ITPR2: variants seen among roughly 807,000 people sequenced by gnomAD.
The protein encoded by ITPR2 is inositol 1,4,5-trisphosphate receptor type 2.
In ITPR2, 207 loss-of-function variants were observed where a neutral mutation model predicts 317.1. That is an observed-to-expected ratio of 0.65 (90% CI 0.58 to 0.73). ITPR2 has a LOEUF of 0.73. ITPR2 is among the 30% of genes least tolerant of loss of function. The probability of loss-of-function intolerance (pLI) is 0.00; values close to 1 mark genes in which losing one functional copy is unlikely to be tolerated. For synonymous variants in ITPR2, 1,156 were observed against 1,149.1 expected (o/e 1.01, Z -0.12); for missense variants, 2,613 against 3,284.0 (o/e 0.80, Z 4.99).
chr12:26,586,059 C>A (rs550959992), intron 32 of ITPR2, among the ~76,000 whole-genome samples: 24 of 152,066 alleles, frequency 1.6e-4, no homozygotes, highest in Non-Finnish European at 5.9e-5. Context: ...AAGAGTTTTT[C>A]TTATAAATAC....
intron 2 of ITPR2, among the ~76,000 whole-genome samples, chr12:26,730,783 C>T (rs1949013856): frequency 6.6e-6 from 1 of 152,166 alleles, no homozygotes; most frequent in Non-Finnish European, 1.5e-5. Context: ...GCATTTTAGC[C>T]TGCTTACTTA....
At position 26,782,070 on chromosome 12, in the gene ITPR2, A is replaced by AGAGAGAGC. The variant is rs1332997577; in HGVS notation, c.163+8086_163+8087insGCTCTCTC. Among the ~76,000 whole-genome samples, 382 of 122,494 alleles carry AGAGAGAGC rather than the reference A, an allele frequency of 3.1e-3. 15 individuals carry two copies. The highest frequency in any genetic ancestry group is 5.3e-3 in the Non-Finnish European group (305 of 57,620). 80.4% of individuals were successfully genotyped at this position (122,494 alleles called of 152,430 possible). On this transcript the variant is annotated intron_variant, in intron 2 of 56. Transcript: ENST00000381340. ...GAGAGAGAGAGAGAGAGAGAGAGAG[A>AGAGAGAGC]GAGCGAGAGAGATCCTATTAGTTCT...
rs78239239 is a variant in ITPR2, at chr12:26,395,678, G to A, written c.7696+3198C>T. ...TTTCTGAGGGCAGCATCATTCTCCTGTATGGGACTCACCCTTCTAAACAAC... is the reference window on the plus strand; with the variant it reads ...TTTCTGAGGGCAGCATCATTCTCCTATATGGGACTCACCCTTCTAAACAAC... On this transcript the variant is annotated intron_variant, in intron 54 of 56. Coordinates refer to ENST00000381340, the MANE Select transcript of ITPR2 (RefSeq NM_002223.4). Among the ~76,000 whole-genome samples, 606 of 152,298 alleles carry A rather than the reference G, an allele frequency of 4.0e-3. 4 individuals are homozygous for A. The highest frequency in any genetic ancestry group is 0.014 in the African/African-American group (573 of 41,568).
Position 26,596,878 on chromosome 12 carries a change from C to A in ITPR2, c.4254+5G>T. 1 of 1,519,364 alleles carries A rather than the reference C, an allele frequency of 6.6e-7. No individual in the cohort carries two copies. The highest frequency in any genetic ancestry group is 1.3e-5 in the South Asian group (1 of 74,856). The allele number at this position is 1,519,364 out of a possible 1,614,324, so 94.1% of individuals were successfully genotyped here. A position where few individuals can be genotyped will look rare whatever the true frequency, so the allele number is the denominator to read the frequency against. ...TTAGAGCTGCTAAGCTTTTGCCAGGCTTACCTCAGGGATGCAGTCGTCATG... is the reference window on the plus strand; with the variant it reads ...TTAGAGCTGCTAAGCTTTTGCCAGGATTACCTCAGGGATGCAGTCGTCATG... On this transcript the variant is annotated splice_donor_5th_base_variant and intron_variant, in intron 31 of 56. Coordinates refer to ENST00000381340, the MANE Select transcript of ITPR2 (RefSeq NM_002223.4).
intron 2 of ITPR2, among the ~76,000 whole-genome samples, chr12:26,786,726 ATTTACT>A (rs977169865): frequency 2.0e-5 from 3 of 152,212 alleles, no homozygotes; most frequent in Non-Finnish European, 2.9e-5. Flanking sequence ...GTTGTACTAG[ATTTACT>A]TTTAATTGCC....
At chr12:26,539,872 C>A (rs1394456644) in intron 37 of ITPR2, among the ~76,000 whole-genome samples, 1 of 152,210 alleles carries the variant, frequency 6.6e-6, no homozygotes, top group Non-Finnish European at 1.5e-5. Flanking sequence ...GAATCTACTT[C>A]TTGGATAGGA....
chr12:26,750,995 G>A (rs1477632352), intron 2 of ITPR2, among the ~76,000 whole-genome samples: 13 of 152,124 alleles, frequency 8.5e-5, no homozygotes, highest in Admixed American at 3.3e-4. Flanking sequence ...CCCAAGCAAC[G>A]AAAACGGCTG....
chr12:26,813,247 C>A (rs953687613), intron 1 of ITPR2, among the ~76,000 whole-genome samples: 3 of 152,108 alleles, frequency 2.0e-5, no homozygotes, highest in Non-Finnish European at 4.4e-5. Flanking sequence ...TTAAATTTTA[C>A]ATTTTAAATT....
intron 37 of ITPR2, among the ~76,000 whole-genome samples, chr12:26,548,892 C>CA (rs1421698679): frequency 6.6e-6 from 1 of 152,102 alleles, no homozygotes; most frequent in African/African-American, 2.4e-5. Context: ...CTTGACTAGC[C>CA]AAAGTAAAAA....
chr12:26,806,273 C>A (rs906028008), intron 1 of ITPR2, among the ~76,000 whole-genome samples: 3 of 151,836 alleles, frequency 2.0e-5, no homozygotes, highest in Non-Finnish European at 2.9e-5. Context: ...CCCTGCCTGG[C>A]ACGGAGTAAA....
At chr12:26,656,174 G>A (rs771200037) in intron 19 of ITPR2, 123 bp downstream of exon 19, 7 of 1,274,964 alleles carry the variant, frequency 5.5e-6, no homozygotes, top group Non-Finnish European at 7.7e-6. Context: ...GCATTTAGAA[G>A]ATTAACAACC....
intron 45 of ITPR2, among the ~76,000 whole-genome samples, chr12:26,469,987 G>C (rs1942260043): frequency 6.6e-6 from 1 of 152,152 alleles, no homozygotes; most frequent in Admixed American, 6.5e-5. Flanking sequence ...AGCCCAACTG[G>C]CAAGTCAGCG....
intron 52 of ITPR2, among the ~76,000 whole-genome samples, chr12:26,401,696 CAAG>C (rs778423103): frequency 1.1e-4 from 16 of 152,282 alleles, no homozygotes; most frequent in East Asian, 1.9e-4. Context: ...CGTATAAAAA[CAAG>C]AAGAACAATT....
intron 28 of ITPR2, among the ~76,000 whole-genome samples, chr12:26,600,626 A>C (rs948238683): frequency 4.0e-5 from 6 of 149,412 alleles, no homozygotes; most frequent in African/African-American, 1.5e-4. Context: ...CTCTTTCCCT[A>C]CTCTATTTCA....
At chr12:26,566,349 G>T (rs1244492486) in intron 34 of ITPR2, among the ~76,000 whole-genome samples, 1 of 136,842 alleles carries the variant, frequency 7.3e-6, no homozygotes, top group Non-Finnish European at 1.6e-5. Context: ...AAGGAGAAGG[G>T]GAAGAGGAAA....
chr12:26,772,546 T>TATATAATAC (rs1231266192), intron 2 of ITPR2, among the ~76,000 whole-genome samples: 1 of 139,692 alleles, frequency 7.2e-6, no homozygotes, highest in East Asian at 2.0e-4. Context: ...ATGTATTATA[T>TATATAATAC]ATATAATACA....
At chr12:26,343,552 T>C (rs922217203) in intron 55 of ITPR2, among the ~76,000 whole-genome samples, 1 of 152,178 alleles carries the variant, frequency 6.6e-6, no homozygotes, top group Non-Finnish European at 1.5e-5. Flanking sequence ...GTGTTATATA[T>C]ATTTTACCAC....
At chr12:26,675,800 A>T (rs1947894677) in intron 13 of ITPR2, among the ~76,000 whole-genome samples, 1 of 152,268 alleles carries the variant, frequency 6.6e-6, no homozygotes, top group Admixed American at 6.5e-5. Flanking sequence ...GAAAATAATT[A>T]AATTTTAGCT....
chr12:26,527,669 T>C lies in ITPR2; in HGVS notation c.5073+22578A>G, dbSNP rs189320966. Among the ~76,000 whole-genome samples the C allele has an allele frequency of 1.6e-4, 24 of 152,310 alleles. No individual in the cohort carries two copies. The South Asian group carries it at 1.7e-3, about 11-fold the overall frequency. On this transcript the variant is annotated intron_variant, in intron 37 of 56. Coordinates refer to ENST00000381340, the MANE Select transcript of ITPR2 (RefSeq NM_002223.4). ...GTAGCAGCTAATGAGATACCAATAC[T>C]AATGGTTTGTTATTCATCAGATATG...
Sources: allele counts gnomAD v4.1 joint callset (sites outside exome capture counted in the v4.1 genomes callset), GRCh38; gene constraint gnomAD v4.1.1; transcripts MANE v1.5; gene names NCBI Gene and HGNC (gene_info 2026-07-23, HGNC 2026-07-21).